Variants in PKD2L2 observed in about 807,000 individuals in gnomAD.
PKD2L2 encodes polycystin-2-like protein 2.
A neutral mutation model predicts 83.9 loss-of-function variants in PKD2L2; 67 were observed. The observed-to-expected ratio is 0.80, with a 90% confidence interval of 0.66 to 0.98. PKD2L2 has a LOEUF of 0.98. PKD2L2 is among the 50% of genes least tolerant of loss of function. PKD2L2 has a pLI of 0.00. For missense variants in PKD2L2, 632 were observed against 717.2 expected, an observed-to-expected ratio of 0.88 and a Z score of 1.36; for synonymous variants, 223 against 237.8, an observed-to-expected ratio of 0.94 and a Z score of 0.57.
intron 2 of PKD2L2, among the ~76,000 whole-genome samples, 179 bp downstream of exon 2, chr5:137,890,761 C>T (rs1180252686): frequency 1.3e-5 from 2 of 152,308 alleles, no homozygotes; most frequent in South Asian, 2.1e-4. Context: ...TAGAAATTGA[C>T]TATTTTCAGT....
chr5:137,899,272 A>G (rs1756750595), intron 4 of PKD2L2, among the ~76,000 whole-genome samples: 5 of 152,110 alleles, frequency 3.3e-5, no homozygotes, highest in Admixed American at 2.0e-4. Flanking sequence ...ACATGCCACC[A>G]TGCCTGGCTA....
intron 8 of PKD2L2, 41 bp from the exon 9 acceptor site, chr5:137,921,594 TA>T: frequency 2.3e-6 from 3 of 1,281,996 alleles, no homozygotes; most frequent in Non-Finnish European, 1.1e-6. Flanking sequence ...GTCATGTATG[TA>T]CATAAAGGTA....
rs191855029 is a variant in PKD2L2, at chr5:137,915,558, G to A, written c.1329-6078G>A. 6.0e-3 allele frequency among the ~76,000 whole-genome samples: 915 copies of A among 152,260 alleles called. 8 individuals are homozygous for A. The highest frequency in any genetic ancestry group is 0.014 in the Middle Eastern group (4 of 294). ...CTGCCTCAGCCTCCTGAGTAGCTGG[G>A]ATTACAGGCGTGCGCCACCATGCCC... On this transcript the variant is annotated intron_variant, in intron 8 of 14. Coordinates refer to ENST00000508883, the MANE Select transcript of PKD2L2 (RefSeq NM_001300921.2).
chr5:137,935,702 C>G, intron 12 of PKD2L2, 95 bp from the exon 13 acceptor site: 1 of 685,058 alleles, frequency 1.5e-6, no homozygotes, highest in Non-Finnish European at 2.5e-6. Context: ...GAGAGGAGAA[C>G]AGCTTAAGAT....
intron 12 of PKD2L2, among the ~76,000 whole-genome samples, chr5:137,928,383 C>CAAAAAAAAAAAAAAAAAA (rs57825667): frequency 9.0e-6 from 1 of 111,492 alleles, no homozygotes; most frequent in African/African-American, 3.4e-5. Context: ...ACAAAAAGTA[C>CAAAAAAAAAAAAAAAAAA]AAAAAAAAAA....
At chr5:137,897,495 T>A (rs913041663) in intron 4 of PKD2L2, among the ~76,000 whole-genome samples, 1 of 152,212 alleles carries the variant, frequency 6.6e-6, no homozygotes, top group African/African-American at 2.4e-5. Flanking sequence ...TCATAACAAG[T>A]ACAAATACTT....
chr5:137,905,202 T>C (rs1430647379), intron 5 of PKD2L2, among the ~76,000 whole-genome samples: 2 of 152,236 alleles, frequency 1.3e-5, no homozygotes, highest in African/African-American at 4.8e-5. Context: ...AAATGTTATT[T>C]TTTAGAAACT....
intron 14 of PKD2L2, chr5:137,939,578 T>C (rs1206733804): frequency 2.5e-5 from 4 of 160,632 alleles, no homozygotes; most frequent in Non-Finnish European, 5.4e-5. Context: ...AGGTCACCTT[T>C]TGGTCTACCA....
rs1757365143 is a variant in PKD2L2, at chr5:137,906,348, A to G, written c.889A>G (p.Thr297Ala). The G allele has an allele frequency of 1.2e-6, 2 of 1,609,288 alleles. No homozygotes were observed. Among genetic ancestry groups the G allele is most frequent in the South Asian group, 2.2e-5 (2 of 90,884 alleles). Reference protein sequence around the residue: ...ITFCIFLFVFTTQEVKKIKEF... With the variant: ...ITFCIFLFVFATQEVKKIKEF... ...ATTCTGTATTTTTCTTTTTGTCTTC[A>G]CAACACAAGAAGTCAAAAAAATAAA... The change falls in exon 6 of 15, where the codon ACA (threonine) becomes GCA (alanine). Residue 297 changes from threonine (T) to alanine (A), a missense_variant. By Grantham distance (58) the Thr-to-Ala change is moderately conservative. Coordinates refer to ENST00000508883, the MANE Select transcript of PKD2L2 (RefSeq NM_001300921.2).
chr5:137,896,127 A>G (rs954892106), intron 4 of PKD2L2, among the ~76,000 whole-genome samples: 1 of 151,742 alleles, frequency 6.6e-6, no homozygotes, highest in Non-Finnish European at 1.5e-5. Flanking sequence ...CATTGAGCCA[A>G]GATCGGACCA....
In PKD2L2 at chr5:137,921,970, C is replaced by T. The variant is rs542206949; in HGVS notation, c.1449+214C>T. ...GTAGTTAATTTCTGGGTGTTTTAGA[C>T]GGGAATGTGCTAAATCCTTCACATA... On this transcript the variant is annotated intron_variant, in intron 9 of 14. Coordinates refer to ENST00000508883, the MANE Select transcript of PKD2L2 (RefSeq NM_001300921.2). 4.7e-4 allele frequency among the ~76,000 whole-genome samples: 71 copies of T among 152,204 alleles called. No homozygotes were observed. The South Asian group carries it at 9.3e-3, about 20-fold the overall frequency.
At chr5:137,941,218 T>A (rs773220131) in intron 14 of PKD2L2, among the ~76,000 whole-genome samples, 3 of 151,864 alleles carry the variant, frequency 2.0e-5, no homozygotes, top group Non-Finnish European at 4.4e-5. Flanking sequence ...CACTTCAGAT[T>A]TTTTTTTAAC....
chr5:137,891,207 T>A (rs73790081), intron 2 of PKD2L2, among the ~76,000 whole-genome samples: 2 of 152,220 alleles, frequency 1.3e-5, no homozygotes, highest in South Asian at 4.1e-4. Flanking sequence ...GGCAGTATTG[T>A]CTCATGTTGG....
At chr5:137,918,992 A>T (rs758918081) in intron 8 of PKD2L2, among the ~76,000 whole-genome samples, 2 of 151,342 alleles carry the variant, frequency 1.3e-5, no homozygotes, top group African/African-American at 2.4e-5. Flanking sequence ...GTGTGTAGGG[A>T]GAGGACCATC....
intron 9 of PKD2L2, among the ~76,000 whole-genome samples, chr5:137,922,517 C>T (rs944695233): frequency 1.3e-5 from 2 of 152,142 alleles, no homozygotes; most frequent in Non-Finnish European, 2.9e-5. Flanking sequence ...GCAGGCGGAT[C>T]GCTTGAGCTC....
intron 12 of PKD2L2, among the ~76,000 whole-genome samples, chr5:137,926,693 G>T (rs1458334407): frequency 2.0e-5 from 3 of 152,104 alleles, no homozygotes; most frequent in Admixed American, 6.6e-5. Context: ...AACCAACTGG[G>T]GCTCCTTCGA....
intron 12 of PKD2L2, among the ~76,000 whole-genome samples, chr5:137,928,135 CA>C (rs1229479419): frequency 1.3e-5 from 2 of 151,984 alleles, no homozygotes; most frequent in African/African-American, 2.4e-5. Context: ...AAATGTAAAC[CA>C]AGGAATTTTA....
At position 137,925,091 on chromosome 5, in the gene PKD2L2, GA is replaced by G. The variant is rs768232718; in HGVS notation, c.1605del (p.Asp536ThrfsTer30). The G allele has an allele frequency of 2.9e-5, 46 of 1,598,300 alleles. No homozygotes were observed. Among genetic ancestry groups the G allele is most frequent in the Non-Finnish European group, 2.5e-5 (29 of 1,166,030 alleles). Reference protein sequence around the residue: ...KFRLKKAQKDEDKKTKGSGDL... With the variant: ...KFRLKKAQKDXDKKTKGSGDL... ...CAGACTGAAGAAAGCTCAAAAAGAT[GA>G]AGACAAGAAAACGTAAGATGACTTC... On this transcript the variant is annotated frameshift_variant, in exon 11 of 15. Transcript: ENST00000508883. LOFTEE classifies it high-confidence loss of function.
intron 12 of PKD2L2, among the ~76,000 whole-genome samples, chr5:137,930,231 C>T (rs1454939274): frequency 6.6e-6 from 1 of 151,980 alleles, no homozygotes; most frequent in East Asian, 1.9e-4. Context: ...TATTGGGCCA[C>T]AAGGAAATCC....
Sources: allele counts gnomAD v4.1 joint callset (sites outside exome capture counted in the v4.1 genomes callset), GRCh38; gene constraint gnomAD v4.1.1; transcripts MANE v1.5; gene names NCBI Gene and HGNC (gene_info 2026-07-23, HGNC 2026-07-21).